CDH18: variants seen among roughly 807,000 people sequenced by gnomAD.
CDH18 encodes cadherin 18.
In CDH18, 31 loss-of-function variants were observed where a neutral mutation model predicts 67.9. The ratio of observed to expected loss-of-function variants is 0.46; its 90% confidence interval spans 0.34 to 0.62. The LOEUF (loss-of-function observed/expected upper bound fraction) is 0.62, where lower values mean the gene tolerates loss of function less well. Ranked by LOEUF, CDH18 falls within the 20% of genes least tolerant of loss-of-function variation. CDH18 has a pLI of 0.01. For synonymous variants in CDH18, 362 were observed against 347.2 expected (o/e 1.04, Z -0.48); for missense variants, 890 against 975.5 (o/e 0.91, Z 1.17).
intron 1 of CDH18, among the ~76,000 whole-genome samples, chr5:20,560,120 T>C (rs1406595564): frequency 6.6e-6 from 1 of 152,114 alleles, no homozygotes; most frequent in East Asian, 1.9e-4. Context: ...ATTCAAGAAC[T>C]GAATCAGCAT....
chr5:20,343,502 C>T (rs1040553923), intron 1 of CDH18, among the ~76,000 whole-genome samples: 4 of 152,072 alleles, frequency 2.6e-5, no homozygotes, highest in African/African-American at 9.7e-5. Context: ...ATATATGTGG[C>T]TAGGGAGGAC....
chr5:19,717,475 A>G (rs1581033651), intron 5 of CDH18, among the ~76,000 whole-genome samples: 1 of 152,026 alleles, frequency 6.6e-6, no homozygotes, highest in East Asian at 1.9e-4. Flanking sequence ...TCTGTCTCCA[A>G]CCTATGTTAT....
In CDH18 at chr5:19,747,227, T is replaced by C. The variant is rs768381240; in HGVS notation, c.238A>G (p.Asn80Asp). 1.2e-6 allele frequency: 2 copies of C among 1,612,616 alleles called. No individual in the cohort carries two copies. The highest frequency in any genetic ancestry group is 2.7e-5 in the African/African-American group (2 of 74,892). The change falls in exon 4 of 13, where the codon AAT becomes GAT. Residue 80 changes from asparagine (N) to aspartate (D), a missense_variant. By Grantham distance (23) the Asn-to-Asp change is conservative (BLOSUM62 1). This residue lies in a region of CDH18 where 234 missense variants were observed against 307.4 expected (regional missense o/e 0.76). Coordinates refer to ENST00000382275, the MANE Select transcript of CDH18 (RefSeq NM_004934.5). ...ACAGATCCATCACCTTTGTCAGAAT[T>C]GGAGTGCAGCTGTGAAATACACATG... is the stretch of plus-strand genomic sequence containing the variant. ...DPQYVGKLHSNSDKGDGSVKY... is the reference protein window; with the variant it reads ...DPQYVGKLHSDSDKGDGSVKY...
At chr5:19,781,405 A>C (rs762505299) in intron 3 of CDH18, among the ~76,000 whole-genome samples, 3 of 152,126 alleles carry the variant, frequency 2.0e-5, no homozygotes, top group Non-Finnish European at 1.5e-5. Context: ...AGAAAATGGA[A>C]ATATGTGTAT....
intron 2 of CDH18, among the ~76,000 whole-genome samples, chr5:20,011,531 C>A (rs777607004): frequency 7.9e-5 from 12 of 152,060 alleles, no homozygotes; most frequent in Non-Finnish European, 1.3e-4. Context: ...TTGTCTCATG[C>A]CAATTTTCAA....
chr5:19,497,608 T>C (rs1354739820), intron 11 of CDH18, among the ~76,000 whole-genome samples: 4 of 152,304 alleles, frequency 2.6e-5, no homozygotes, highest in South Asian at 2.1e-4. Flanking sequence ...CCATGGAACA[T>C]TGTGTTACAT....
At chr5:20,268,943 T>C (rs1745240550) in intron 1 of CDH18, among the ~76,000 whole-genome samples, 1 of 152,086 alleles carries the variant, frequency 6.6e-6, no homozygotes, top group South Asian at 2.1e-4. Flanking sequence ...AGACAACCTG[T>C]TGAATGGGAG....
At chr5:20,168,056 T>C (rs1161849530) in intron 2 of CDH18, among the ~76,000 whole-genome samples, 1 of 152,204 alleles carries the variant, frequency 6.6e-6, no homozygotes, top group Admixed American at 6.5e-5. Context: ...TTACCTTTAG[T>C]GAAAGTCTGG....
chr5:20,495,323 G>C lies in CDH18; in HGVS notation c.-580+80139C>G, dbSNP rs1753841889. Among the ~76,000 whole-genome samples the C allele has an allele frequency of 2.0e-5, 3 of 151,906 alleles. No individual in the cohort carries two copies. In the South Asian group the frequency reaches 6.2e-4, roughly 32 times the overall value. The stretch of plus-strand genomic sequence containing the variant: ...GTATAAATGTTAAGGCCCTTTTAAT[G>C]TGTTCACAAATCAACCGAGACAACA... On this transcript the variant is annotated intron_variant, in intron 1 of 14. Coordinates refer to the CDH18 transcript ENST00000507958.
chr5:20,343,741 A>T (rs1027281945), intron 1 of CDH18, among the ~76,000 whole-genome samples: 2 of 152,148 alleles, frequency 1.3e-5, no homozygotes, highest in African/African-American at 4.8e-5. Context: ...CACTGATTCC[A>T]AGTATGCTTT....
intron 1 of CDH18, among the ~76,000 whole-genome samples, chr5:20,424,743 T>C (rs1462810774): frequency 5.6e-5 from 2 of 35,494 alleles, no homozygotes; most frequent in Admixed American, 4.2e-4. Flanking sequence ...CAAGACTCTG[T>C]CTAAAAAAAA....
chr5:20,407,260 G>A (rs1476297845), intron 1 of CDH18, among the ~76,000 whole-genome samples: 1 of 152,110 alleles, frequency 6.6e-6, no homozygotes, highest in East Asian at 1.9e-4. Context: ...TTCTCAGAAT[G>A]ATGTGAGAAT....
At chr5:20,294,103 G>A (rs1009476991) in intron 1 of CDH18, among the ~76,000 whole-genome samples, 41 of 152,084 alleles carry the variant, frequency 2.7e-4, no homozygotes, top group African/African-American at 9.2e-4. Context: ...GTTGCACTGA[G>A]GCCTAATATT....
intron 1 of CDH18, among the ~76,000 whole-genome samples, chr5:20,435,765 T>C (rs1749121798): frequency 6.6e-6 from 1 of 151,986 alleles, no homozygotes; most frequent in African/African-American, 2.4e-5. Flanking sequence ...GTAAGACACT[T>C]TTTAAGATAC....
rs570140969 is a variant in CDH18, at chr5:19,946,946, T to C, written c.-257+34114A>G. The stretch of plus-strand genomic sequence containing the variant: ...GGTTAAATATTCAAAAATCAAACCA[T>C]GTAATCCACCATATCAACAGAATAA... On this transcript the variant is annotated intron_variant, in intron 2 of 12. Coordinates refer to ENST00000382275, the MANE Select transcript of CDH18 (RefSeq NM_004934.5). Among the ~76,000 whole-genome samples the C allele has an allele frequency of 1.1e-4, 16 of 152,256 alleles. No homozygotes were observed. In the South Asian group the frequency reaches 3.1e-3, roughly 30 times the overall value.
chr5:20,028,038 A>T lies in CDH18; in HGVS notation c.-517-36024T>A, dbSNP rs557972019. On this transcript the variant is annotated intron_variant, in intron 2 of 14. Transcript: ENST00000507958. ...TATTTTTTAAAAGACTTAATTTTAC[A>T]CATATAAAGATAGTACATATCTAAA... Among the ~76,000 whole-genome samples the T allele has an allele frequency of 2.6e-5, 4 of 152,302 alleles. No homozygotes were observed. The South Asian group carries it at 8.3e-4, about 32-fold the overall frequency.
intron 3 of CDH18, among the ~76,000 whole-genome samples, chr5:19,753,135 A>C (rs905632173): frequency 8.5e-5 from 13 of 152,132 alleles, no homozygotes; most frequent in East Asian, 3.9e-4. Context: ...TAACACCCCC[A>C]AAAATCCTAC....
chr5:19,785,408 T>C (rs1317151666), intron 3 of CDH18, among the ~76,000 whole-genome samples: 1 of 151,070 alleles, frequency 6.6e-6, no homozygotes, highest in African/African-American at 2.4e-5. Context: ...ATCCCAGCAC[T>C]TTGGGAGGCC....
At chr5:19,810,790 AGGCT>A (rs1386769242) in intron 3 of CDH18, among the ~76,000 whole-genome samples, 1 of 152,024 alleles carries the variant, frequency 6.6e-6, no homozygotes, top group African/African-American at 2.4e-5. Flanking sequence ...TGAGACTCTG[AGGCT>A]GTTGGATCAC....
Sources: gnomAD v4.1 joint callset for allele counts (sites outside exome capture counted in the v4.1 genomes callset) on GRCh38, gnomAD v4.1.1 for gene constraint, gnomAD v4.1.1 regional missense constraint, MANE v1.5 for transcripts, NCBI Gene and HGNC (gene_info 2026-07-23, HGNC 2026-07-21) for gene names.